The following EMILIN2 variants were observed in gnomAD, a reference collection of about 807,000 sequenced individuals.
EMILIN2 encodes EMILIN-2.
Under a neutral mutation model 87.1 loss-of-function variants are expected in EMILIN2, and 71 were observed. The observed-to-expected ratio is 0.82, with a 90% CI of 0.67 to 0.99. The LOEUF (loss-of-function observed/expected upper bound fraction) is 0.99, where lower values mean the gene tolerates loss of function less well. Among genes scored for constraint, EMILIN2 ranks in the 50% least tolerant of loss-of-function variants. EMILIN2 has a pLI of 0.00. For missense variants in EMILIN2, 1,407 were observed against 1,371.8 expected, an observed-to-expected ratio of 1.03 and a Z score of -0.40; for synonymous variants, 581 against 563.4, an observed-to-expected ratio of 1.03 and a Z score of -0.44.
At chr18:2,902,634 C>T (rs994772650) in intron 4 of EMILIN2, among the ~76,000 whole-genome samples, 5 of 152,064 alleles carry the variant, frequency 3.3e-5, no homozygotes, top group African/African-American at 9.7e-5. Flanking sequence ...CCAAAGGAGG[C>T]GGGGGACTCA....
rs189233483 is a variant in EMILIN2, at chr18:2,867,522, G to A, written c.258-17442G>A. On this transcript the variant is annotated intron_variant, in intron 2 of 7. Transcript: ENST00000254528. ...GCCTTCCGCAGTGTTTGTGTCCCTG[G>A]GTACTTAAGATTAGGGAGTGGTGAT... Among the ~76,000 whole-genome samples the A allele has an allele frequency of 7.4e-3, 1,122 of 152,138 alleles. 14 individuals carry two copies. The highest frequency in any genetic ancestry group is 0.026 in the African/African-American group (1,061 of 41,488).
chr18:2,905,237 G>A (rs959716601), intron 4 of EMILIN2, among the ~76,000 whole-genome samples: 18 of 138,150 alleles, frequency 1.3e-4, no homozygotes, highest in African/African-American at 4.0e-4. Flanking sequence ...CATTGGTCAG[G>A]AAAGGCTGTT....
rs949583665 is a variant in EMILIN2 at position 2,890,527 on chromosome 18, T to C, written c.434-34T>C. 3.3e-6 allele frequency: 5 copies of C among 1,519,424 alleles called. No individual in the cohort carries two copies. The African/African-American group carries it at 7.0e-5, about 21-fold the overall frequency. The allele number at this position is 1,519,424 out of a possible 1,614,324, so 94.1% of individuals were successfully genotyped here. ...GCAGAATCTGGCTAAAGGTAGAAAA[T>C]GTTCATTCATGTCCAACTTTATCTT... On this transcript the variant is annotated intron_variant, in intron 3 of 7. Transcript: ENST00000254528. The surrounding 1 kb of genome is among the most constrained non-coding windows in gnomAD (Gnocchi z 4.7).
intron 7 of EMILIN2, among the ~76,000 whole-genome samples, chr18:2,910,101 A>G (rs1305252303): frequency 7.1e-6 from 1 of 141,376 alleles, no homozygotes; most frequent in Admixed American, 7.1e-5. Context: ...GTTGCTATTC[A>G]TTTTTTACAG....
intron 7 of EMILIN2, 94 bp downstream of exon 7, chr18:2,909,913 G>A (rs537460638): frequency 2.1e-5 from 33 of 1,545,568 alleles, no homozygotes; most frequent in South Asian, 9.6e-5. Flanking sequence ...CCAGCGTCCC[G>A]TGGGCTCAGG....
rs140101239 is a variant in EMILIN2, at chr18:2,907,757, A to G, written c.2662+672A>G. ...ATCTGGATCTCCTGCAGCCCTCCCA[A>G]TGGCACTGTGAAGCCAGTGTTGTTT... On this transcript the variant is annotated intron_variant, in intron 5 of 7. Coordinates refer to ENST00000254528, the MANE Select transcript of EMILIN2 (RefSeq NM_032048.3). Among the ~76,000 whole-genome samples, 1,119 of 152,316 alleles carry G rather than the reference A, an allele frequency of 7.3e-3. 16 individuals carry two copies. The highest frequency in any genetic ancestry group is 0.02 in the Middle Eastern group (6 of 294).
Position 2,907,039 on chromosome 18 carries a change from CG to C in EMILIN2, c.2619del (p.Ser874AlafsTer22). The C allele has an allele frequency of 7.8e-7, 1 of 1,289,994 alleles. No homozygotes were observed. Among genetic ancestry groups the C allele is most frequent in the South Asian group, 2.6e-5 (1 of 38,662 alleles). The allele number at this position is 1,289,994 out of a possible 1,614,324, so 79.9% of individuals were successfully genotyped here. A position where few individuals can be genotyped will look rare whatever the true frequency, so the allele number is the denominator to read the frequency against. ...TGCCGCGGGGCGTGGACGGCCAGACCGGGAGCGGCACCGTCCCCGGCGCAGA... is the reference window on the plus strand; with the variant it reads ...TGCCGCGGGGCGTGGACGGCCAGACCGGAGCGGCACCGTCCCCGGCGCAGA... The part of the protein sequence containing the change: ...GLPRGVDGQT[G>X]SGTVPGAEGF... On this transcript the variant is annotated frameshift_variant, in exon 5 of 8. Coordinates refer to ENST00000254528, the MANE Select transcript of EMILIN2 (RefSeq NM_032048.3). LOFTEE classifies it high-confidence loss of function.
chr18:2,891,005 A>G lies in EMILIN2; in HGVS notation c.878A>G (p.Gln293Arg), dbSNP rs767755298. ...GGAAAAGTGAAGGGCTACGAAGGGCAGCTCAGACAGCTCCAGGAAGCAGCT... is the reference window on the plus strand; with the variant it reads ...GGAAAAGTGAAGGGCTACGAAGGGCGGCTCAGACAGCTCCAGGAAGCAGCT... The part of the protein sequence containing the change: ...LDGKVKGYEG[Q>R]LRQLQEAAQG... Residue 293 changes from glutamine to arginine, a missense_variant, in exon 4 of 8, where the codon CAG (glutamine) becomes CGG (arginine). Gln to Arg is a conservative substitution (Grantham distance 43, BLOSUM62 1). Transcript: ENST00000254528. This position sits in a 1 kb window ranked among gnomAD's most constrained non-coding sequence, Gnocchi z 4.6. 5 of 1,614,120 alleles carry G rather than the reference A, an allele frequency of 3.1e-6. No individual in the cohort carries two copies. In the East Asian group the frequency reaches 1.1e-4, roughly 36 times the overall value.
At chr18:2,902,567 G>T (rs1432173645) in intron 4 of EMILIN2, among the ~76,000 whole-genome samples, 1 of 152,178 alleles carries the variant, frequency 6.6e-6, no homozygotes, top group Non-Finnish European at 1.5e-5. Flanking sequence ...CATGGTAAAG[G>T]CACGAAGCCA....
rs752091517 is a variant in EMILIN2, at chr18:2,885,098, C to T, written c.392C>T (p.Pro131Leu). 9.9e-6 allele frequency: 16 copies of T among 1,612,056 alleles called. No homozygotes were observed. Among genetic ancestry groups the T allele is most frequent in the Admixed American group, 3.4e-5 (2 of 59,628 alleles). ...GPKDPVKTLR[P>L]TPARPRNSLK... ...AAAGACCCCGTGAAGACCCTCCGCC[C>T]CACGCCGGCTCGGCCTCGAAACAGC... The change falls in exon 3 of 8, where the codon CCC becomes CTC. Residue 131 changes from proline (P) to leucine (L), a missense_variant. Transcript: ENST00000254528.
intron 4 of EMILIN2, among the ~76,000 whole-genome samples, chr18:2,905,775 GTTTTTTTGTTTTTTT>G (rs2076908108): frequency 1.1e-5 from 1 of 92,714 alleles, no homozygotes; most frequent in Non-Finnish European, 2.2e-5. Context: ...GCTAATTTTT[GTTTTTTTGTTTTTTT>G]TTTTTGGATA....
At chr18:2,883,875 C>A (rs1272269132) in intron 2 of EMILIN2, among the ~76,000 whole-genome samples, 5 of 152,336 alleles carry the variant, frequency 3.3e-5, no homozygotes, top group South Asian at 2.1e-4. Flanking sequence ...TGGTGGCTAC[C>A]TTTGCTAGCA....
chr18:2,891,491 C>T lies in EMILIN2; in HGVS notation c.1364C>T (p.Ala455Val), dbSNP rs201006315. 1 of 1,614,160 alleles carries T rather than the reference C, an allele frequency of 6.2e-7. No individual in the cohort carries two copies. Among genetic ancestry groups the T allele is most frequent in the Non-Finnish European group, 8.5e-7 (1 of 1,180,018 alleles). ...DFDAKWNELD[A>V]RINVTEKNAE... ...GATGCAAAATGGAATGAACTCGATG[C>T]AAGGATCAATGTGACGGAGAAGAAC... is the stretch of plus-strand genomic sequence containing the variant. The change falls in exon 4 of 8, where the codon GCA (alanine) becomes GTA (valine). Residue 455 changes from alanine to valine, a missense_variant. By Grantham distance (64) the Ala-to-Val change is moderately conservative (BLOSUM62 0). Coordinates refer to ENST00000254528, the MANE Select transcript of EMILIN2 (RefSeq NM_032048.3). The surrounding 1 kb of genome is among the most constrained non-coding windows in gnomAD (Gnocchi z 4.6).
intron 4 of EMILIN2, 190 bp from the exon 5 acceptor site, chr18:2,906,593 G>A (rs966772690): frequency 1.2e-5 from 5 of 417,598 alleles, no homozygotes; most frequent in African/African-American, 2.1e-5. Flanking sequence ...GGCGGCGTCC[G>A]GGTGGCCCGC....
intron 2 of EMILIN2, among the ~76,000 whole-genome samples, chr18:2,862,775 G>A (rs1016584295): frequency 3.3e-5 from 5 of 152,238 alleles, no homozygotes; most frequent in Non-Finnish European, 7.4e-5. Context: ...TCTATTGATT[G>A]GAATAGTTTC....
upstream of EMILIN2, chr18:2,846,714 CCCGGGGGG>C: frequency 1.0e-6 from 1 of 983,064 alleles, no homozygotes; most frequent in Non-Finnish European, 1.2e-6. The surrounding 1 kb of genome is among the most constrained non-coding windows in gnomAD (Gnocchi z 5.3). Flanking sequence ...GCGGCCGCGT[CCCGGGGGG>C]CCGGGAGCGA....
chr18:2,909,000 CAGG>C (rs747993239), intron 6 of EMILIN2, 25 bp downstream of exon 6: 1 of 1,612,916 alleles, frequency 6.2e-7, no homozygotes, highest in South Asian at 1.1e-5. Context: ...AGACCAGGAG[CAGG>C]AGGAGCGGTC....
At position 2,909,699 on chromosome 18, in the gene EMILIN2, G is replaced by C. The variant is rs562389842; in HGVS notation, c.2704G>C (p.Val902Leu). The C allele has an allele frequency of 2.6e-5, 42 of 1,614,034 alleles. No individual in the cohort carries two copies. In the South Asian group the frequency reaches 3.4e-4, roughly 13 times the overall value. Residue 902 changes from valine (V) to leucine (L), a missense_variant, in exon 7 of 8, where the codon GTG (valine) becomes CTG (leucine). Coordinates refer to ENST00000254528, the MANE Select transcript of EMILIN2 (RefSeq NM_032048.3). ...SPPVASPGAP[V>L]PSLVSFSAGL... is the part of the protein sequence containing the mutation. ...TCCTTTCTCTGCTCCAGGAGCTCCG[G>C]TGCCTTCTCTGGTGTCTTTTTCTGC...
chr18:2,909,058 C>A, intron 6 of EMILIN2, 83 bp downstream of exon 6: 1 of 1,524,420 alleles, frequency 6.6e-7, no homozygotes, highest in Non-Finnish European at 9.1e-7. Flanking sequence ...TGCCTCCTCC[C>A]TCCAGGCTAT....
Sources: gnomAD v4.1 joint callset for allele counts (sites outside exome capture counted in the v4.1 genomes callset) on GRCh38, gnomAD v4.1.1 for gene constraint, Gnocchi (gnomAD v3.1) non-coding constraint, MANE v1.5 for transcripts, NCBI Gene and HGNC (gene_info 2026-07-23, HGNC 2026-07-21) for gene names.